COL11A1: variants seen among roughly 807,000 people sequenced by gnomAD.
COL11A1 encodes collagen alpha-1(XI) chain.
COL11A1 carries 74 observed loss-of-function variants against 265.2 expected under a neutral mutation model. The observed-to-expected ratio is 0.28, with a 90% CI of 0.23 to 0.34. The LOEUF (loss-of-function observed/expected upper bound fraction) is 0.34, where lower values mean the gene tolerates loss of function less well. COL11A1 is among the 10% of genes least tolerant of loss of function. COL11A1 has a pLI of 1.00. For synonymous variants in COL11A1, 816 were observed against 727.6 expected (o/e 1.12, Z -1.96); for missense variants, 2,165 against 2,263.6 (o/e 0.96, Z 0.88).
chr1:103,030,745 G>A (rs1667918042), intron 5 of COL11A1, among the ~76,000 whole-genome samples: 2 of 152,056 alleles, frequency 1.3e-5, no homozygotes, highest in Non-Finnish European at 2.9e-5. Context: ...AAAGGCCTAG[G>A]GAGATGGCAT....
chr1:103,006,234 C>T, intron 16 of COL11A1, 28 bp downstream of exon 16: 1 of 1,562,146 alleles, frequency 6.4e-7, no homozygotes, highest in Non-Finnish European at 8.7e-7. Context: ...CAGATGCCTT[C>T]AAAATGCACA....
chr1:103,082,061 A>T (rs1406585492), intron 2 of COL11A1, among the ~76,000 whole-genome samples: 1 of 151,832 alleles, frequency 6.6e-6, no homozygotes, highest in Non-Finnish European at 1.5e-5. Flanking sequence ...TCATTTCACC[A>T]CTCAATTCCC....
intron 42 of COL11A1, among the ~76,000 whole-genome samples, chr1:102,940,949 A>T (rs1476377325): frequency 1.3e-5 from 2 of 152,152 alleles, no homozygotes; most frequent in African/African-American, 4.8e-5. Context: ...TATACTGTGT[A>T]ATTTTTTAAA....
chr1:103,067,211 A>G (rs946796268), intron 4 of COL11A1, among the ~76,000 whole-genome samples: 6 of 151,984 alleles, frequency 3.9e-5, no homozygotes, highest in African/African-American at 1.4e-4. Flanking sequence ...TAAGGGCATT[A>G]TTACATTAAC....
rs2101575365 is a variant in COL11A1, at chr1:102,962,596, T to C, written c.3024+57A>G. 3 of 1,394,810 alleles carry C rather than the reference T, an allele frequency of 2.2e-6. 1 individual carries two copies. The Middle Eastern group carries it at 5.3e-4, about 246-fold the overall frequency. The allele number at this position is 1,394,810 out of a possible 1,614,324, so 86.4% of individuals were successfully genotyped here. ...GGAATCTGTAGACAAGGGGTGAGTATAGTTAAACATAAATTAAAGTTTTGG... is the reference window on the plus strand; with the variant it reads ...GGAATCTGTAGACAAGGGGTGAGTACAGTTAAACATAAATTAAAGTTTTGG... On this transcript the variant is annotated intron_variant, in intron 39 of 66. Coordinates refer to ENST00000370096, the MANE Select transcript of COL11A1 (RefSeq NM_001854.4).
At chr1:103,075,195 C>T (rs1030789681) in intron 3 of COL11A1, among the ~76,000 whole-genome samples, 2 of 152,136 alleles carry the variant, frequency 1.3e-5, no homozygotes, top group African/African-American at 4.8e-5. Context: ...AAAAACTCCG[C>T]TCTAGTGATC....
intron 46 of COL11A1, among the ~76,000 whole-genome samples, chr1:102,933,774 G>A (rs1301540849): frequency 6.6e-6 from 1 of 152,198 alleles, no homozygotes. Flanking sequence ...TGAGCCAGGT[G>A]CCGGATATAA....
chr1:102,906,984 C>T (rs1654055460), intron 54 of COL11A1, among the ~76,000 whole-genome samples: 1 of 151,990 alleles, frequency 6.6e-6, no homozygotes, highest in African/African-American at 2.4e-5. Context: ...CCAGTTTATC[C>T]AAACCTAATA....
At chr1:102,905,252 T>G (rs1254030885) in intron 54 of COL11A1, among the ~76,000 whole-genome samples, 3 of 145,672 alleles carry the variant, frequency 2.1e-5, no homozygotes, top group Admixed American at 6.8e-5. Context: ...AGGGATAGCA[T>G]TAGGAGATAT....
rs1655123907 is a variant in COL11A1, at chr1:102,914,831, A to T, written c.3817-20T>A. The stretch of plus-strand genomic sequence containing the variant: ...GGGACCCTAAACAATGTTAAAAAAA[A>T]AAAAAGAAGAAGAAGGAAAGAAGAG... On this transcript the variant is annotated intron_variant, in intron 50 of 66. Coordinates refer to ENST00000370096, the MANE Select transcript of COL11A1 (RefSeq NM_001854.4). 1 of 1,563,902 alleles carries T rather than the reference A, an allele frequency of 6.4e-7. No individual in the cohort carries two copies. Among genetic ancestry groups the T allele is most frequent in the African/African-American group, 1.4e-5 (1 of 73,706 alleles).
rs74924020 is a variant in COL11A1, at chr1:103,018,113, A to C, written c.1351-231T>G. 0.018 allele frequency among the ~76,000 whole-genome samples: 2,686 copies of C among 152,246 alleles called. 88 individuals are homozygous for C. Among genetic ancestry groups the C allele is most frequent in the African/African-American group, 0.062 (2,567 of 41,538 alleles). On this transcript the variant is annotated intron_variant, in intron 10 of 66. Transcript: ENST00000370096. The stretch of plus-strand genomic sequence containing the variant: ...ACATTTCAAGGAAAAACAGGAAAGA[A>C]GAATATGCCAATGTAAAGTCTCTAA...
At chr1:102,904,810 G>A (rs370768171) in intron 54 of COL11A1, among the ~76,000 whole-genome samples, 2,350 of 151,794 alleles carry the variant, frequency 0.015, 31 homozygotes, top group Non-Finnish European at 0.021. Context: ...TGTGGAAGTC[G>A]GTGTGGCAAT....
chr1:102,961,017 G>GA (rs1336147563), intron 41 of COL11A1, among the ~76,000 whole-genome samples: 1 of 152,130 alleles, frequency 6.6e-6, no homozygotes, highest in Non-Finnish European at 1.5e-5. Context: ...GAAGAAAGCG[G>GA]AAAAATTAGT....
At chr1:102,923,240 A>G (rs1656191490) in intron 47 of COL11A1, 96 bp downstream of exon 47, 2 of 997,886 alleles carry the variant, frequency 2.0e-6, no homozygotes, top group African/African-American at 1.6e-5. Flanking sequence ...CCTCAATAAT[A>G]TATACATAGT....
chr1:103,003,300 A>G, intron 20 of COL11A1, 32 bp from the exon 21 acceptor site: 7 of 519,056 alleles, frequency 1.3e-5, no homozygotes, highest in Non-Finnish European at 1.8e-5. Context: ...CGCCTTTATT[A>G]AAAAAAAAAA....
chr1:103,059,700 G>A (rs1670512865), intron 4 of COL11A1, among the ~76,000 whole-genome samples: 1 of 152,078 alleles, frequency 6.6e-6, no homozygotes, highest in Admixed American at 6.6e-5. Flanking sequence ...AATAAATGCT[G>A]TAGATAAAAA....
chr1:102,889,175 T>C (rs1263003639), intron 59 of COL11A1, among the ~76,000 whole-genome samples: 2 of 152,180 alleles, frequency 1.3e-5, no homozygotes, highest in Admixed American at 6.6e-5. Context: ...TGTATATTCC[T>C]TTATCCCTCA....
rs1480662974 is a variant in COL11A1 at position 102,883,615 on chromosome 1, T to A, written c.4859-304A>T. Among the ~76,000 whole-genome samples the A allele has an allele frequency of 5.9e-5, 9 of 152,292 alleles. No homozygotes were observed. The South Asian group carries it at 1.9e-3, about 32-fold the overall frequency. On this transcript the variant is annotated intron_variant, in intron 63 of 66. Transcript: ENST00000370096. ...ATCTCCTCAAATATTAACATTCCAT[T>A]TATCCCTGTGTAATAAATTGCATGC...
chr1:102,942,013 C>G (rs949955065), intron 42 of COL11A1, among the ~76,000 whole-genome samples: 5 of 152,178 alleles, frequency 3.3e-5, no homozygotes, highest in Admixed American at 2.0e-4. Context: ...TAATTTATTA[C>G]TTGCCTGGGT....
Sources: allele counts gnomAD v4.1 joint callset (sites outside exome capture counted in the v4.1 genomes callset), GRCh38; gene constraint gnomAD v4.1.1; transcripts MANE v1.5; gene names NCBI Gene and HGNC (gene_info 2026-07-23, HGNC 2026-07-21).